Variants in HPGD observed in about 807,000 individuals in gnomAD.
HPGD encodes the protein 15-hydroxyprostaglandin dehydrogenase, also known as 15-hydroxyprostaglandin dehydrogenase [NAD(+)].
A neutral mutation model predicts 30.0 loss-of-function variants in HPGD; 29 were observed. That is an observed-to-expected ratio of 0.97 (90% CI 0.72 to 1.32). The LOEUF (loss-of-function observed/expected upper bound fraction) is 1.32. Among genes scored for constraint, HPGD ranks in the 40% most tolerant of loss-of-function variants. HPGD has a pLI of 0.00. For synonymous variants in HPGD, 99 were observed against 112.4 expected (o/e 0.88, Z 0.75); for missense variants, 340 against 322.1 (o/e 1.06, Z -0.43).
rs1365613 is a variant in HPGD, at chr4:174,521,671, T to C, written c.217+273A>G. ...TTTAATAATTACTGCAGCAGCACTG[T>C]CTTTGAATACATAAAGGAATTTTGA... On this transcript the variant is annotated intron_variant, in intron 2 of 6. Coordinates refer to ENST00000296522, the MANE Select transcript of HPGD (RefSeq NM_000860.6). Among the ~76,000 whole-genome samples the C allele has an allele frequency of 0.18, 27,587 of 152,292 alleles. 2,591 individuals are homozygous for C. Among genetic ancestry groups the C allele is most frequent in the Middle Eastern group, 0.25 (74 of 294 alleles).
At chr4:174,510,124 A>G (rs552436894) in intron 3 of HPGD, among the ~76,000 whole-genome samples, 52 of 152,308 alleles carry the variant, frequency 3.4e-4, no homozygotes, top group African/African-American at 1.2e-3. Context: ...GAGGTTACAC[A>G]TGTACTTACC....
At chr4:174,504,867 A>T (rs1735109031) in intron 4 of HPGD, among the ~76,000 whole-genome samples, 1 of 152,026 alleles carries the variant, frequency 6.6e-6, no homozygotes, top group African/African-American at 2.4e-5. Flanking sequence ...AGTGCATTTG[A>T]CTCATGAGAT....
In HPGD at chr4:174,507,811, T is replaced by C. The variant is rs1579288859; in HGVS notation, c.421+885A>G. On this transcript the variant is annotated intron_variant, in intron 4 of 6. Coordinates refer to ENST00000296522, the MANE Select transcript of HPGD (RefSeq NM_000860.6). ...TTAAGGCTAGTATTGAAGGATAAGA[T>C]ATCAGCTGATACTAAATCATACTAC... 15 of 301,864 alleles carry C rather than the reference T, an allele frequency of 5.0e-5. No individual in the cohort carries two copies. In the East Asian group the frequency reaches 8.0e-4, roughly 16 times the overall value. The allele number at this position is 301,864 out of a possible 1,614,324, so 18.7% of individuals were successfully genotyped here.
chr4:174,513,077 A>T (rs45507291), intron 3 of HPGD, among the ~76,000 whole-genome samples: 1 of 152,188 alleles, frequency 6.6e-6, no homozygotes, highest in Non-Finnish European at 1.5e-5. Context: ...ACTGTTTCTG[A>T]CAGCTGATTT....
intron 4 of HPGD, among the ~76,000 whole-genome samples, chr4:174,505,788 C>T (rs1168707307): frequency 6.6e-6 from 1 of 152,012 alleles, no homozygotes; most frequent in Non-Finnish European, 1.5e-5. Context: ...GAGAGGGTGC[C>T]AAGGACAACT....
chr4:174,518,743 T>C (rs1385852758), intron 2 of HPGD, among the ~76,000 whole-genome samples: 1 of 152,194 alleles, frequency 6.6e-6, no homozygotes, highest in Non-Finnish European at 1.5e-5. Context: ...TGTATAAAAC[T>C]ATGTTCAAAC....
chr4:174,500,936 G>T (rs770392238), intron 4 of HPGD, among the ~76,000 whole-genome samples: 1 of 152,098 alleles, frequency 6.6e-6, no homozygotes, highest in African/African-American at 2.4e-5. Flanking sequence ...ACTTTTTAAT[G>T]AAAATGTATC....
chr4:174,518,859 T>C (rs1735929311), intron 2 of HPGD, among the ~76,000 whole-genome samples: 1 of 152,204 alleles, frequency 6.6e-6, no homozygotes, highest in Non-Finnish European at 1.5e-5. Flanking sequence ...TCTAATTGAT[T>C]TAAACTGTTT....
rs148100548 is a variant in HPGD, at chr4:174,495,614, G to A, written c.432C>T (p.Pro144=). ...CACAATAAACCGGCTGCTGTGCAAC[G>A]GGCATGAGTCCTGAAACAGACAAAT... ...INMSSLAGLM[P]VAQQPVYCAS... The change falls in exon 5 of 7, where the codon CCC becomes CCT. Residue 144 remains proline, a synonymous_variant. Coordinates refer to ENST00000296522, the MANE Select transcript of HPGD (RefSeq NM_000860.6). 3.1e-4 allele frequency: 496 copies of A among 1,612,502 alleles called. No individual in the cohort carries two copies. The African/African-American group carries it at 5.5e-3, about 18-fold the overall frequency.
upstream of HPGD, chr4:174,522,786 C>T (rs988940569): frequency 1.7e-5 from 4 of 240,046 alleles, no homozygotes; most frequent in African/African-American, 9.1e-5. Flanking sequence ...CTTCAGTGCC[C>T]TAAAGACCAA....
chr4:174,500,371 AT>A (rs1271395923), intron 4 of HPGD, among the ~76,000 whole-genome samples: 1 of 152,214 alleles, frequency 6.6e-6, no homozygotes, highest in East Asian at 1.9e-4. Flanking sequence ...AAAAGTAAAC[AT>A]GCAATACAAT....
In HPGD at chr4:174,491,538, C is replaced by A. The variant is rs2253270; in HGVS notation, c.*418G>T. The A allele has an allele frequency of 0.072, 12,400 of 173,272 alleles. 1,652 individuals are homozygous for A. Among genetic ancestry groups the A allele is most frequent in the African/African-American group, 0.28 (11,539 of 41,640 alleles). 10.7% of individuals were successfully genotyped at this position (173,272 alleles called of 1,614,324 possible). Reference sequence around the variant, plus strand: ...TGAAATATTTGTCATTGTTAAGTAGCTTTCCTCTTTTAAAGTATGAACTTG... The same window carrying A: ...TGAAATATTTGTCATTGTTAAGTAGATTTCCTCTTTTAAAGTATGAACTTG... On this transcript the variant is annotated 3_prime_UTR_variant, in exon 7 of 7. Transcript: ENST00000296522.
At chr4:174,505,380 A>T (rs1735132552) in intron 4 of HPGD, among the ~76,000 whole-genome samples, 1 of 152,200 alleles carries the variant, frequency 6.6e-6, no homozygotes, top group Admixed American at 6.5e-5. Context: ...ATCTGTGAGG[A>T]AGCAAGGTTT....
At chr4:174,507,366 G>A (rs1735240075) in intron 4 of HPGD, 1 of 152,138 alleles carries the variant, frequency 6.6e-6, no homozygotes, top group African/African-American at 2.4e-5. Context: ...CTATTTTTGA[G>A]AACTTCTAAA....
intron 2 of HPGD, among the ~76,000 whole-genome samples, chr4:174,520,305 T>C (rs1736037193): frequency 6.6e-6 from 1 of 152,246 alleles, no homozygotes; most frequent in Non-Finnish European, 1.5e-5. Context: ...TGGTACTCTT[T>C]GTAACTTACC....
rs769423339 is a variant in HPGD, at chr4:174,522,040, CT to C, written c.120del (p.Ala41GlnfsTer31). 9.2e-5 allele frequency: 149 copies of C among 1,614,072 alleles called. No homozygotes were observed. The highest frequency in any genetic ancestry group is 1.2e-4 in the Non-Finnish European group (143 of 1,180,008). On this transcript the variant is annotated frameshift_variant, in exon 2 of 7. Transcript: ENST00000296522. LOFTEE classifies it high-confidence loss of function. The stretch of plus-strand genomic sequence containing the variant: ...AGGGCAGCTTTACACTGTACACCTG[CT>C]TCAAGATTCCAATCCACCAGCGCTA... ...AKVALVDWNL[E>X]AGVQCKAALD...
intron 4 of HPGD, among the ~76,000 whole-genome samples, chr4:174,497,697 C>A (rs1036875686): frequency 5.4e-5 from 8 of 149,246 alleles, no homozygotes; most frequent in African/African-American, 2.0e-4. Flanking sequence ...CCTGCCTCAG[C>A]CTCCCAAGTA....
intron 5 of HPGD, chr4:174,493,555 G>A: frequency 2.4e-6 from 1 of 420,292 alleles, no homozygotes; most frequent in Non-Finnish European, 4.4e-6. Context: ...GACAACTCCT[G>A]GAAACAATTA....
chr4:174,490,851 ACT>A lies in HPGD; in HGVS notation c.*1103_*1104del, dbSNP rs961226441. 29 of 152,362 alleles carry A rather than the reference ACT, an allele frequency of 1.9e-4. No individual in the cohort carries two copies. The highest frequency in any genetic ancestry group is 6.5e-4 in the African/African-American group (27 of 41,552). The allele number at this position is 152,362 out of a possible 1,614,324, so 9.4% of individuals were successfully genotyped here. On this transcript the variant is annotated 3_prime_UTR_variant, in exon 7 of 7. Transcript: ENST00000296522. This position sits in a 1 kb window ranked among gnomAD's most constrained non-coding sequence, Gnocchi z 4.4. ...ACTGATTTGGAAATCTTGTGCTTTC[ACT>A]GTTACTAGTGTTAATTACTGCTTGC... is the stretch of plus-strand genomic sequence containing the variant.
Sources: gnomAD v4.1 joint callset for allele counts (sites outside exome capture counted in the v4.1 genomes callset) on GRCh38, gnomAD v4.1.1 for gene constraint, Gnocchi (gnomAD v3.1) non-coding constraint, MANE v1.5 for transcripts, NCBI Gene and HGNC (gene_info 2026-07-23, HGNC 2026-07-21) for gene names.